Variants in CCDC175 observed in about 807,000 individuals in gnomAD.
The protein encoded by CCDC175 is coiled-coil domain containing 175.
In CCDC175, 100 loss-of-function variants were observed where a neutral mutation model predicts 114.6. The ratio of observed to expected loss-of-function variants is 0.87; its 90% CI spans 0.74 to 1.03. The LOEUF (loss-of-function observed/expected upper bound fraction) is 1.03, where lower values mean the gene tolerates loss of function less well. Ranked by LOEUF, CCDC175 falls within the 50% of genes least tolerant of loss-of-function variation. The pLI is 0.00. For missense variants in CCDC175, 880 were observed against 917.8 expected, an observed-to-expected ratio of 0.96 and a Z score of 0.53; for synonymous variants, 306 against 308.7, an observed-to-expected ratio of 0.99 and a Z score of 0.09.
At chr14:59,507,439 C>A (rs1892492445) in intron 19 of CCDC175, among the ~76,000 whole-genome samples, 1 of 152,220 alleles carries the variant, frequency 6.6e-6, no homozygotes, top group Non-Finnish European at 1.5e-5. Flanking sequence ...GCTCCAGTGT[C>A]AGGCTCCAAA....
Position 59,543,344 on chromosome 14 carries a change from TG to T in CCDC175, c.1282del (p.Gln428LysfsTer14). The T allele has an allele frequency of 8.2e-7, 1 of 1,221,154 alleles. No individual in the cohort carries two copies. Among genetic ancestry groups the T allele is most frequent in the Non-Finnish European group, 1.1e-6 (1 of 903,090 alleles). 75.6% of individuals were successfully genotyped at this position (1,221,154 alleles called of 1,614,324 possible). A position where few individuals can be genotyped will look rare whatever the true frequency, so the allele number is the denominator to read the frequency against. On this transcript the variant is annotated frameshift_variant and splice_region_variant, in exon 10 of 20. Transcript: ENST00000537690. LOFTEE classifies it high-confidence loss of function. The stretch of plus-strand genomic sequence containing the variant: ...AAAATTTCAAAGGCAACAAACATAC[TG>T]TTGAAGTTCCTGGAGTGTGATGAGT... ...EGLITLQELQ[Q>X]ATKTVYQQQI...
intron 17 of CCDC175, among the ~76,000 whole-genome samples, chr14:59,515,797 C>T (rs1808469139): frequency 2.0e-5 from 3 of 152,340 alleles, no homozygotes; most frequent in Admixed American, 6.5e-5. Flanking sequence ...GAATTGAACT[C>T]AGCTCTGCAC....
intron 19 of CCDC175, among the ~76,000 whole-genome samples, chr14:59,508,568 A>G (rs1892577617): frequency 6.7e-6 from 1 of 148,280 alleles, no homozygotes; most frequent in Non-Finnish European, 1.5e-5. Flanking sequence ...CCTGTCTCAA[A>G]AAAAAAAAAA....
intron 14 of CCDC175, among the ~76,000 whole-genome samples, chr14:59,527,735 C>T (rs1479209543): frequency 2.0e-5 from 3 of 152,044 alleles, no homozygotes; most frequent in African/African-American, 7.2e-5. Context: ...CAGAACTGTA[C>T]AACCTTTCAA....
Position 59,510,725 on chromosome 14 carries a change from C to A in CCDC175, c.2226G>T (p.Gln742His). ...DKLRERDEKM[Q>H]HVSTWLRGSL... ...TCCCTCGTAGCCATGTACTGACATG[C>A]TGCATTTTTTCATCTCTTTCACGCA... Residue 742 changes from glutamine to histidine, a missense_variant, in exon 19 of 20, where the codon CAG (glutamine) becomes CAT (histidine). Transcript: ENST00000537690. 6.5e-7 allele frequency: 1 copy of A among 1,537,286 alleles called. No homozygotes were observed. Among genetic ancestry groups the A allele is most frequent in the Non-Finnish European group, 8.7e-7 (1 of 1,146,886 alleles).
chr14:59,576,526 G>T (rs73305697), intron 1 of CCDC175, 93 bp downstream of exon 1: 53 of 1,215,454 alleles, frequency 4.4e-5, no homozygotes, highest in Non-Finnish European at 4.9e-5. Flanking sequence ...CCCTGGTTCC[G>T]GGAGGAGAGT....
chr14:59,523,334 T>TA (rs564844702), intron 16 of CCDC175, among the ~76,000 whole-genome samples: 26 of 152,204 alleles, frequency 1.7e-4, no homozygotes, highest in Admixed American at 1.2e-3. Flanking sequence ...TTTTAGTTTA[T>TA]AAAAAAACCC....
chr14:59,562,527 C>T (rs1595070296), intron 6 of CCDC175, among the ~76,000 whole-genome samples: 1 of 152,168 alleles, frequency 6.6e-6, no homozygotes, highest in East Asian at 1.9e-4. Flanking sequence ...GATTTGAACG[C>T]AGCTCTGTGT....
At chr14:59,558,610 C>A (rs536999744) in intron 7 of CCDC175, among the ~76,000 whole-genome samples, 1 of 152,186 alleles carries the variant, frequency 6.6e-6, no homozygotes, top group Non-Finnish European at 1.5e-5. Flanking sequence ...AATGGCGGTG[C>A]CACATTAACT....
chr14:59,525,950 T>A (rs145032829), intron 15 of CCDC175, among the ~76,000 whole-genome samples: 2 of 152,272 alleles, frequency 1.3e-5, no homozygotes, highest in East Asian at 1.9e-4. Context: ...ATTTTGATAG[T>A]CATGTTGGTC....
Position 59,525,386 on chromosome 14 carries a change from T to C in CCDC175, c.1891A>G (p.Lys631Glu). 1 of 1,521,748 alleles carries C rather than the reference T, an allele frequency of 6.6e-7. No individual in the cohort carries two copies. Among genetic ancestry groups the C allele is most frequent in the Non-Finnish European group, 8.8e-7 (1 of 1,142,470 alleles). 94.3% of individuals were successfully genotyped at this position (1,521,748 alleles called of 1,614,324 possible). A position where few individuals can be genotyped will look rare whatever the true frequency, so the allele number is the denominator to read the frequency against. Residue 631 changes from lysine (K) to glutamate (E), a missense_variant, in exon 16 of 20, where the codon AAA becomes GAA. Coordinates refer to ENST00000537690, the MANE Select transcript of CCDC175 (RefSeq NM_001164399.2). The stretch of plus-strand genomic sequence containing the variant: ...AGAGTTTCAAAATGATCTTTGTTTT[T>C]TTTGCTTTCTTGATCTCGTAATTGT... ...LQQLRDQESK[K>E]NKDHFETLKN...
chr14:59,532,437 C>T (rs1894122686), intron 13 of CCDC175, among the ~76,000 whole-genome samples: 1 of 152,162 alleles, frequency 6.6e-6, no homozygotes. Flanking sequence ...ATAGTTGGAC[C>T]TTTCTTAGCA....
intron 17 of CCDC175, among the ~76,000 whole-genome samples, chr14:59,513,127 G>C (rs1463904652): frequency 1.3e-5 from 2 of 152,200 alleles, no homozygotes; most frequent in Non-Finnish European, 1.5e-5. Context: ...GTGTGTAAGA[G>C]AAAACAATGA....
chr14:59,520,768 C>T (rs990024703), intron 17 of CCDC175, among the ~76,000 whole-genome samples: 1 of 152,134 alleles, frequency 6.6e-6, no homozygotes, highest in African/African-American at 2.4e-5. Flanking sequence ...TGCACCCTGT[C>T]ATTTCATTTA....
chr14:59,555,813 T>C (rs371321524), intron 7 of CCDC175, among the ~76,000 whole-genome samples: 26 of 151,932 alleles, frequency 1.7e-4, no homozygotes, highest in African/African-American at 3.4e-4. Flanking sequence ...CATTCTTATA[T>C]ACCAATAACA....
intron 3 of CCDC175, among the ~76,000 whole-genome samples, chr14:59,571,583 A>T (rs1269986058): frequency 6.6e-6 from 1 of 152,208 alleles, no homozygotes; most frequent in African/African-American, 2.4e-5. Context: ...AGCCATTTGG[A>T]TAACAACCAG....
intron 17 of CCDC175, among the ~76,000 whole-genome samples, chr14:59,512,434 C>T (rs1193673242): frequency 6.6e-6 from 1 of 152,230 alleles, no homozygotes; most frequent in East Asian, 1.9e-4. Flanking sequence ...TGGTTGGCAA[C>T]ACTTTGTATG....
intron 13 of CCDC175, among the ~76,000 whole-genome samples, chr14:59,536,458 C>T (rs992986044): frequency 6.6e-5 from 10 of 151,922 alleles, no homozygotes; most frequent in East Asian, 1.9e-4. Context: ...TTCATTCCCC[C>T]GTGCTAGATA....
chr14:59,564,376 C>T (rs1423018280), intron 5 of CCDC175: 2 of 153,112 alleles, frequency 1.3e-5, no homozygotes, highest in African/African-American at 4.8e-5. Context: ...CACAGTGCCA[C>T]TTGTTAGACC....
Sources: allele counts gnomAD v4.1 joint callset (sites outside exome capture counted in the v4.1 genomes callset), GRCh38; gene constraint gnomAD v4.1.1; transcripts MANE v1.5; gene names NCBI Gene and HGNC (gene_info 2026-07-23, HGNC 2026-07-21).